LAMA3: variants seen among roughly 807,000 people sequenced by gnomAD.
The protein encoded by LAMA3 is laminin subunit alpha-3.
LAMA3 carries 281 observed loss-of-function variants against 402.0 expected under a neutral mutation model. The ratio of observed to expected loss-of-function variants is 0.70; its 90% CI spans 0.63 to 0.77. The LOEUF is 0.77. Among genes scored for constraint, LAMA3 ranks in the 30% least tolerant of loss-of-function variants. The pLI is 0.00. For synonymous variants in LAMA3, 1,431 were observed against 1,558.4 expected (o/e 0.92, Z 1.93); for missense variants, 3,840 against 4,215.5 (o/e 0.91, Z 2.47).
chr18:23,806,174 T>C (rs1262292816), intron 12 of LAMA3, among the ~76,000 whole-genome samples: 1 of 152,204 alleles, frequency 6.6e-6, no homozygotes, highest in Non-Finnish European at 1.5e-5. Context: ...TTTGGTGGTT[T>C]ATTGCCACCA....
At chr18:23,846,599 A>G in intron 31 of LAMA3, 91 bp downstream of exon 31, 1 of 1,166,398 alleles carries the variant, frequency 8.6e-7, no homozygotes, top group Non-Finnish European at 1.2e-6. Context: ...GCACTGTGCT[A>G]GAGACTCACC....
intron 32 of LAMA3, among the ~76,000 whole-genome samples, chr18:23,852,508 G>T (rs2063969373): frequency 6.6e-6 from 1 of 152,024 alleles, no homozygotes; most frequent in Non-Finnish European, 1.5e-5. Flanking sequence ...GTGTTATTTT[G>T]TATGTGTTTT....
chr18:23,852,993 G>A (rs367637015), intron 32 of LAMA3, among the ~76,000 whole-genome samples: 5 of 152,138 alleles, frequency 3.3e-5, no homozygotes, highest in East Asian at 3.9e-4. Context: ...CACAGAGATC[G>A]CCTCATCATC....
chr18:23,772,508 T>C (rs1323051019), intron 8 of LAMA3, among the ~76,000 whole-genome samples: 1 of 152,232 alleles, frequency 6.6e-6, no homozygotes, highest in African/African-American at 2.4e-5. Context: ...CTGTTTCTGA[T>C]TTACCCACCA....
chr18:23,737,900 C>T (rs906752166), intron 2 of LAMA3, among the ~76,000 whole-genome samples: 4 of 152,188 alleles, frequency 2.6e-5, no homozygotes, highest in East Asian at 1.9e-4. Context: ...CCAGAGGGAC[C>T]GCTCAGCGGA....
chr18:23,756,935 C>G (rs1282917688), intron 6 of LAMA3, among the ~76,000 whole-genome samples: 1 of 146,556 alleles, frequency 6.8e-6, no homozygotes, highest in African/African-American at 2.5e-5. Flanking sequence ...CCCCGCCCCC[C>G]ACTCCCTTCC....
intron 2 of LAMA3, among the ~76,000 whole-genome samples, chr18:23,734,312 A>G (rs2061438333): frequency 6.6e-6 from 1 of 152,204 alleles, no homozygotes; most frequent in African/African-American, 2.4e-5. Context: ...TTGGTTCCCC[A>G]TGCACCACAG....
At chr18:23,877,869 TG>T (rs2064773155) in intron 39 of LAMA3, among the ~76,000 whole-genome samples, 1 of 152,154 alleles carries the variant, frequency 6.6e-6, no homozygotes, top group Non-Finnish European at 1.5e-5. Flanking sequence ...CCCAGCACTT[TG>T]GGAGGCTGAG....
At chr18:23,873,331 G>A in intron 38 of LAMA3, 2 of 924,148 alleles carry the variant, frequency 2.2e-6, no homozygotes, top group Non-Finnish European at 3.6e-6. Flanking sequence ...GGGGCTGATG[G>A]CCTCCCAGTC....
At chr18:23,703,079 CACCCATATGTGCCA>C in intron 1 of LAMA3, among the ~76,000 whole-genome samples, 1 of 152,176 alleles carries the variant, frequency 6.6e-6, no homozygotes, top group Non-Finnish European at 1.5e-5. Context: ...GCTAGTGGTG[CACCCATATGTGCCA>C]GTCGTCACTG....
At chr18:23,825,730 T>C (rs1035317914) in intron 21 of LAMA3, among the ~76,000 whole-genome samples, 1 of 151,898 alleles carries the variant, frequency 6.6e-6, no homozygotes, top group Non-Finnish European at 1.5e-5. Flanking sequence ...TAGTAACGGG[T>C]ACAAAGTTGG....
chr18:23,916,254 C>G (rs1331925727), intron 59 of LAMA3, among the ~76,000 whole-genome samples: 1 of 152,046 alleles, frequency 6.6e-6, no homozygotes, highest in Non-Finnish European at 1.5e-5. Flanking sequence ...TAATCTCTTA[C>G]ATTTCAAAAT....
At chr18:23,757,778 TA>T (rs569810368) in intron 6 of LAMA3, among the ~76,000 whole-genome samples, 144 of 152,360 alleles carry the variant, frequency 9.5e-4, no homozygotes, top group Admixed American at 2.4e-3. Flanking sequence ...AATTTCATTT[TA>T]ACTTGGAATG....
intron 8 of LAMA3, among the ~76,000 whole-genome samples, chr18:23,769,474 T>C (rs2062148296): frequency 6.6e-6 from 1 of 152,158 alleles, no homozygotes; most frequent in African/African-American, 2.4e-5. Context: ...AATAATACAA[T>C]ATTAACTCTA....
At chr18:23,903,362 A>T (rs1444261346) in intron 49 of LAMA3, among the ~76,000 whole-genome samples, 2 of 152,222 alleles carry the variant, frequency 1.3e-5, no homozygotes, top group East Asian at 3.8e-4. Context: ...CACTTTTGTG[A>T]TAGCAACAAA....
chr18:23,856,620 T>G, intron 32 of LAMA3, among the ~76,000 whole-genome samples: 1 of 152,094 alleles, frequency 6.6e-6, no homozygotes, highest in South Asian at 2.1e-4. Context: ...TGCCCGGATC[T>G]TCAGTTAAAA....
intron 12 of LAMA3, among the ~76,000 whole-genome samples, chr18:23,792,629 G>A (rs1047635251): frequency 2.6e-5 from 4 of 152,160 alleles, no homozygotes; most frequent in Admixed American, 6.5e-5. Flanking sequence ...GGGAAGCCTC[G>A]GGAGGGGCAG....
chr18:23,770,760 C>T (rs1221443557), intron 8 of LAMA3, among the ~76,000 whole-genome samples: 2 of 151,822 alleles, frequency 1.3e-5, no homozygotes, highest in Non-Finnish European at 2.9e-5. Context: ...GACTCTGTCT[C>T]AAAAACAAAA....
intron 7 of LAMA3, among the ~76,000 whole-genome samples, chr18:23,760,226 G>C (rs973311049): frequency 6.6e-6 from 1 of 152,054 alleles, no homozygotes; most frequent in Admixed American, 6.5e-5. Context: ...CAAAAATAGT[G>C]CATGAAAATC....
Sources: allele counts gnomAD v4.1 joint callset (sites outside exome capture counted in the v4.1 genomes callset), GRCh38; gene constraint gnomAD v4.1.1; transcripts MANE v1.5; gene names NCBI Gene and HGNC (gene_info 2026-07-23, HGNC 2026-07-21).